The following PACRG variants were observed in gnomAD, a reference collection of about 807,000 sequenced individuals.
The protein encoded by PACRG is parkin coregulated gene protein.
Under a neutral mutation model 29.7 loss-of-function variants are expected in PACRG, and 29 were observed. The ratio of observed to expected loss-of-function variants is 0.98; its 90% CI spans 0.73 to 1.33. The LOEUF (loss-of-function observed/expected upper bound fraction) is 1.33. Among genes scored for constraint, PACRG ranks in the 40% most tolerant of loss-of-function variants. The pLI, the probability that PACRG is intolerant of heterozygous loss-of-function variation, is 0.00. For synonymous variants in PACRG, 116 were observed against 118.7 expected, an observed-to-expected ratio of 0.98 and a Z score of 0.15; for missense variants, 279 against 316.2, an observed-to-expected ratio of 0.88 and a Z score of 0.89.
At chr6:162,775,205 C>A (rs1006652975) in intron 1 of PACRG, among the ~76,000 whole-genome samples, 2 of 152,108 alleles carry the variant, frequency 1.3e-5, no homozygotes, top group Non-Finnish European at 2.9e-5. Context: ...CAGCAGACAC[C>A]AAGTCTGCTG....
rs34421506 is a variant in PACRG, at chr6:163,314,913, C to A, written c.700C>A (p.Arg234Ser). The stretch of plus-strand genomic sequence containing the variant: ...CCAGGAGACACTGGAGGCCTTCGAG[C>A]GCTACGGAGGAGAAAATGCCTTTAT... ...LIQETLEAFE[R>S]YGGENAFINI... Residue 234 changes from arginine to serine, a missense_variant, in exon 5 of 5, where the codon CGC becomes AGC. Transcript: ENST00000366888. The A allele has an allele frequency of 6.2e-7, 1 of 1,614,126 alleles. No homozygotes were observed. Among genetic ancestry groups the A allele is most frequent in the South Asian group, 1.1e-5 (1 of 91,084 alleles).
At chr6:162,922,878 A>G (rs1317902590) in intron 2 of PACRG, among the ~76,000 whole-genome samples, 1 of 152,196 alleles carries the variant, frequency 6.6e-6, no homozygotes, top group Non-Finnish European at 1.5e-5. Flanking sequence ...ACAGAGATGC[A>G]GATATCTTTT....
intron 4 of PACRG, among the ~76,000 whole-genome samples, chr6:163,207,806 G>T (rs542214087): frequency 6.6e-6 from 1 of 152,312 alleles, no homozygotes; most frequent in South Asian, 2.1e-4. Flanking sequence ...GAAAGTGGAA[G>T]AATTAGAATC....
At chr6:162,856,274 G>A (rs1279917929) in intron 2 of PACRG, among the ~76,000 whole-genome samples, 2 of 152,076 alleles carry the variant, frequency 1.3e-5, no homozygotes, top group African/African-American at 4.8e-5. Context: ...GTCCAGTCTG[G>A]TCTTGAACTC....
At chr6:162,975,832 C>CCCTCTCTCCCTCCCTCCCTTCCTT (rs1801906340) in intron 2 of PACRG, among the ~76,000 whole-genome samples, 1 of 151,684 alleles carries the variant, frequency 6.6e-6, no homozygotes, top group Non-Finnish European at 1.5e-5. Flanking sequence ...CTCCCTTCCT[C>CCCTCTCTCCCTCCCTCCCTTCCTT]CCTCTCTCCC....
chr6:163,227,148 C>T (rs1202252418), intron 4 of PACRG, among the ~76,000 whole-genome samples: 1 of 152,082 alleles, frequency 6.6e-6, no homozygotes, highest in Non-Finnish European at 1.5e-5. Context: ...TAATTGACTC[C>T]CAGTTCTGCA....
intron 4 of PACRG, among the ~76,000 whole-genome samples, chr6:163,263,770 G>T (rs1585381662): frequency 6.6e-6 from 1 of 152,116 alleles, no homozygotes; most frequent in Admixed American, 6.6e-5. Flanking sequence ...GTTTCATGTG[G>T]TATTACAGGA....
At chr6:162,727,442 C>T (rs1223846609), upstream of PACRG, among the ~76,000 whole-genome samples, 1 of 151,778 alleles carries the variant, frequency 6.6e-6, no homozygotes, top group Non-Finnish European at 1.5e-5. Context: ...ACGCTCAGAG[C>T]AGGGGCGGGC....
chr6:163,059,045 C>T (rs932534193), intron 2 of PACRG, among the ~76,000 whole-genome samples: 5 of 150,762 alleles, frequency 3.3e-5, no homozygotes, highest in African/African-American at 7.3e-5. Context: ...CACCACTGCC[C>T]TCCAGGCTGG....
chr6:162,835,822 C>G (rs1423864650), intron 2 of PACRG, among the ~76,000 whole-genome samples: 2 of 152,288 alleles, frequency 1.3e-5, no homozygotes, highest in East Asian at 3.9e-4. Flanking sequence ...TAATAACTCA[C>G]TCCAACTTTT....
intron 2 of PACRG, among the ~76,000 whole-genome samples, chr6:162,957,867 C>G (rs1800183595): frequency 6.6e-6 from 1 of 152,134 alleles, no homozygotes; most frequent in African/African-American, 2.4e-5. Context: ...GACTTAGACT[C>G]TCAGCCATTT....
At chr6:163,267,196 C>G (rs919573842) in intron 4 of PACRG, among the ~76,000 whole-genome samples, 2 of 152,188 alleles carry the variant, frequency 1.3e-5, no homozygotes, top group Non-Finnish European at 2.9e-5. Flanking sequence ...AACTCTTCAT[C>G]CTGGGACCAC....
chr6:163,262,866 ACC>A (rs113163742), intron 4 of PACRG, among the ~76,000 whole-genome samples: 63 of 116,534 alleles, frequency 5.4e-4, no homozygotes, highest in African/African-American at 1.8e-3. Flanking sequence ...ACATAGTGAG[ACC>A]CCCCCCCCCA....
In PACRG at chr6:163,277,483, G is replaced by GTGTATA. The variant is rs1554239299; in HGVS notation, c.614-37343_614-37342insGTATAT. ...TATCTCATGGTGTGTGTGTATGTGT[G>GTGTATA]TATATATATATACACACATACACAC... On this transcript the variant is annotated intron_variant, in intron 4 of 4. Transcript: ENST00000366888. Among the ~76,000 whole-genome samples the GTGTATA allele has an allele frequency of 4.7e-3, 669 of 142,162 alleles. 6 individuals carry two copies. Among genetic ancestry groups the GTGTATA allele is most frequent in the African/African-American group, 9.1e-3 (345 of 37,982 alleles). The allele number at this position is 142,162 out of a possible 152,430, so 93.3% of individuals were successfully genotyped here.
At chr6:162,917,310 C>G (rs1796762610) in intron 2 of PACRG, among the ~76,000 whole-genome samples, 2 of 152,138 alleles carry the variant, frequency 1.3e-5, no homozygotes, top group African/African-American at 4.8e-5. Context: ...GCTGTGGTCT[C>G]CAGCCTCAGC....
intron 2 of PACRG, among the ~76,000 whole-genome samples, chr6:162,938,365 G>A (rs1268464221): frequency 1.3e-5 from 2 of 152,228 alleles, no homozygotes; most frequent in African/African-American, 2.4e-5. Flanking sequence ...AAACATGCAT[G>A]TGCAAGTATC....
chr6:163,130,342 A>G (rs1394134618), intron 4 of PACRG, among the ~76,000 whole-genome samples: 1 of 152,136 alleles, frequency 6.6e-6, no homozygotes. Flanking sequence ...TCTATGCCCA[A>G]CGTCTGGCTA....
intron 1 of PACRG, among the ~76,000 whole-genome samples, chr6:162,747,563 A>C (rs1311915265): frequency 6.9e-6 from 1 of 145,758 alleles, no homozygotes; most frequent in Non-Finnish European, 1.5e-5. Context: ...TATCAGCACC[A>C]GTACACTGGG....
chr6:162,953,461 C>CT (rs879372835), intron 2 of PACRG, among the ~76,000 whole-genome samples: 8 of 151,822 alleles, frequency 5.3e-5, no homozygotes, highest in Non-Finnish European at 8.8e-5. Flanking sequence ...TAAAATCAAC[C>CT]TTTTTTTCTG....
Sources: allele counts gnomAD v4.1 joint callset (sites outside exome capture counted in the v4.1 genomes callset), GRCh38; gene constraint gnomAD v4.1.1; transcripts MANE v1.5; gene names NCBI Gene and HGNC (gene_info 2026-07-23, HGNC 2026-07-21).